The following THSD7B variants were observed in gnomAD, a reference collection of about 807,000 sequenced individuals.
THSD7B encodes the protein thrombospondin type 1 domain containing 7B, also known as thrombospondin type-1 domain-containing protein 7B.
Under a neutral mutation model 213.6 loss-of-function variants are expected in THSD7B, and 138 were observed. The ratio of observed to expected loss-of-function variants is 0.65; its 90% CI spans 0.56 to 0.74. THSD7B has a LOEUF of 0.74. Ranked by LOEUF, THSD7B falls within the 30% of genes least tolerant of loss-of-function variation. THSD7B has a pLI of 0.00. For missense variants in THSD7B, 1,931 were observed against 1,991.5 expected (o/e 0.97, Z 0.58); for synonymous variants, 742 against 687.0 (o/e 1.08, Z -1.25).
chr2:137,629,681 A>G (rs1410132678), intron 20 of THSD7B, among the ~76,000 whole-genome samples: 1 of 152,206 alleles, frequency 6.6e-6, no homozygotes, highest in Non-Finnish European at 1.5e-5. Flanking sequence ...GGACTAGGGA[A>G]GGAATGTTAA....
intron 14 of THSD7B, among the ~76,000 whole-genome samples, chr2:137,427,060 C>A (rs1387964079): frequency 1.3e-5 from 2 of 151,676 alleles, no homozygotes; most frequent in Non-Finnish European, 2.9e-5. Flanking sequence ...GAACATCACT[C>A]GTTATCAGAG....
At chr2:136,911,439 A>G (rs1684256175) in intron 2 of THSD7B, among the ~76,000 whole-genome samples, 1 of 152,196 alleles carries the variant, frequency 6.6e-6, no homozygotes, top group African/African-American at 2.4e-5. Context: ...TTAAGCATAC[A>G]TCCAAATTAA....
chr2:137,003,050 G>A (rs748017279), intron 2 of THSD7B, among the ~76,000 whole-genome samples: 3 of 152,212 alleles, frequency 2.0e-5, no homozygotes, highest in Middle Eastern at 6.8e-3. Flanking sequence ...GTTACCTCAT[G>A]AATTTTTCAA....
chr2:136,816,129 C>A (rs544603694), intron 1 of THSD7B, among the ~76,000 whole-genome samples: 1 of 152,322 alleles, frequency 6.6e-6, no homozygotes, highest in South Asian at 2.1e-4. Context: ...AGACAATCTG[C>A]ACACCTTGGC....
intron 12 of THSD7B, among the ~76,000 whole-genome samples, chr2:137,385,389 T>C (rs1232893911): frequency 6.6e-6 from 1 of 152,236 alleles, no homozygotes; most frequent in African/African-American, 2.4e-5. Flanking sequence ...TGCTCTGGCC[T>C]TCTTGCTATG....
intron 5 of THSD7B, among the ~76,000 whole-genome samples, chr2:137,151,467 C>T (rs1679817180): frequency 1.3e-5 from 2 of 151,760 alleles, no homozygotes; most frequent in South Asian, 4.2e-4. Context: ...GGCAATAACA[C>T]ACATGGAGCT....
At chr2:137,339,249 G>A (rs1684705989) in intron 12 of THSD7B, among the ~76,000 whole-genome samples, 1 of 148,646 alleles carries the variant, frequency 6.7e-6, no homozygotes, top group Non-Finnish European at 1.5e-5. Flanking sequence ...TCTGTCAGAT[G>A]GCGAGCATCC....
At chr2:136,925,243 C>T (rs1362263107) in intron 2 of THSD7B, among the ~76,000 whole-genome samples, 8 of 152,070 alleles carry the variant, frequency 5.3e-5, no homozygotes, top group Admixed American at 4.6e-4. Context: ...ACATACTGGT[C>T]TTGTTTCTTA....
intron 2 of THSD7B, among the ~76,000 whole-genome samples, chr2:137,051,687 T>A (rs1687073584): frequency 6.6e-6 from 1 of 152,166 alleles, no homozygotes; most frequent in South Asian, 2.1e-4. Context: ...AATGTCAGGA[T>A]AATAAAAGCT....
At chr2:137,042,767 C>G (rs1028982109) in intron 2 of THSD7B, among the ~76,000 whole-genome samples, 1 of 152,190 alleles carries the variant, frequency 6.6e-6, no homozygotes, top group Non-Finnish European at 1.5e-5. Flanking sequence ...TTTTCAATAG[C>G]CTGAGCTAAC....
At chr2:136,864,827 C>G (rs1683309706) in intron 1 of THSD7B, among the ~76,000 whole-genome samples, 1 of 152,214 alleles carries the variant, frequency 6.6e-6, no homozygotes, top group African/African-American at 2.4e-5. Context: ...GTTGGGATTA[C>G]AGGCGTGAGC....
intron 14 of THSD7B, among the ~76,000 whole-genome samples, chr2:137,448,616 T>C (rs1438277267): frequency 6.6e-6 from 1 of 151,928 alleles, no homozygotes; most frequent in Non-Finnish European, 1.5e-5. Context: ...GACACCACGG[T>C]GAAACCCCAT....
chr2:136,801,531 G>A (rs563219436), intron 1 of THSD7B, among the ~76,000 whole-genome samples: 5 of 152,150 alleles, frequency 3.3e-5, no homozygotes, highest in South Asian at 4.1e-4. Context: ...GCCTCAGTCC[G>A]ATGTAGTCAT....
intron 5 of THSD7B, 142 bp downstream of exon 5, chr2:137,115,435 C>T: frequency 2.2e-6 from 2 of 912,804 alleles, no homozygotes; most frequent in Non-Finnish European, 1.5e-6. Flanking sequence ...TGTATGCCGC[C>T]CCTAAGTTCT....
intron 1 of THSD7B, among the ~76,000 whole-genome samples, chr2:136,781,792 C>G (rs1681748295): frequency 6.6e-6 from 1 of 152,140 alleles, no homozygotes; most frequent in African/African-American, 2.4e-5. Flanking sequence ...TGTCTATGCC[C>G]TGCCTCCTGT....
intron 5 of THSD7B, among the ~76,000 whole-genome samples, chr2:137,154,176 G>C (rs1334800167): frequency 2.6e-5 from 4 of 152,054 alleles, no homozygotes; most frequent in African/African-American, 9.7e-5. Flanking sequence ...GGTTTTGGGG[G>C]TTCTTAGGAA....
intron 15 of THSD7B, among the ~76,000 whole-genome samples, chr2:137,457,601 A>G (rs1687787685): frequency 6.6e-6 from 1 of 152,210 alleles, no homozygotes; most frequent in Non-Finnish European, 1.5e-5. Context: ...ATTTTGCAAA[A>G]CTGTCTTCTT....
chr2:137,158,341 C>T (rs1446516284), intron 5 of THSD7B, among the ~76,000 whole-genome samples: 1 of 152,164 alleles, frequency 6.6e-6, no homozygotes, highest in African/African-American at 2.4e-5. Context: ...ATTTCAAGCA[C>T]AATCTTTGTT....
chr2:137,477,004 A>G (rs1688208247), intron 15 of THSD7B, among the ~76,000 whole-genome samples: 1 of 152,190 alleles, frequency 6.6e-6, no homozygotes, highest in African/African-American at 2.4e-5. Flanking sequence ...GTTGGATGAA[A>G]TGTTCTGTAT....
Sources: gnomAD v4.1 joint callset for allele counts (sites outside exome capture counted in the v4.1 genomes callset) on GRCh38, gnomAD v4.1.1 for gene constraint, MANE v1.5 for transcripts, NCBI Gene and HGNC (gene_info 2026-07-23, HGNC 2026-07-21) for gene names.